Variants in DPF3 observed in about 807,000 individuals in gnomAD.
DPF3 encodes zinc finger protein DPF3.
In DPF3, 18 loss-of-function variants were observed where a neutral mutation model predicts 56.8. That is an observed-to-expected ratio of 0.32 (90% CI 0.22 to 0.47). The LOEUF is 0.47. DPF3 is among the 20% of genes least tolerant of loss of function. The pLI is 1.00. For synonymous variants in DPF3, 188 were observed against 180.2 expected (o/e 1.04, Z -0.35); for missense variants, 403 against 488.8 (o/e 0.82, Z 1.65).
rs186288323 is a variant in DPF3, at chr14:72,762,474, A to G, written c.194-9103T>C. 2.9e-3 allele frequency among the ~76,000 whole-genome samples: 438 copies of G among 151,970 alleles called. 2 individuals carry two copies. The highest frequency in any genetic ancestry group is 0.01 in the African/African-American group (419 of 41,546). ...ATTCCTACATAATGAAGCTTCCATG[A>G]ACAAAAGAAAAACCACATGATCATC... is the stretch of plus-strand genomic sequence containing the variant. On this transcript the variant is annotated intron_variant, in intron 2 of 10. Coordinates refer to ENST00000556509, the MANE Select transcript of DPF3 (RefSeq NM_001280542.3).
chr14:72,610,367 T>C lies in DPF3; in HGVS notation c.*8930A>G, dbSNP rs372204520. Among the ~76,000 whole-genome samples, 25 of 152,256 alleles carry C rather than the reference T, an allele frequency of 1.6e-4. No homozygotes were observed. The highest frequency in any genetic ancestry group is 5.3e-4 in the African/African-American group (22 of 41,562). ...CATCCTTCCTACCATAGGAGCCACC[T>C]GCCAAAGCCCACCCAGAGGAATCCC... On this transcript the variant is annotated 3_prime_UTR_variant, in exon 11 of 11. Coordinates refer to ENST00000556509, the MANE Select transcript of DPF3 (RefSeq NM_001280542.3).
chr14:72,629,566 CT>C, intron 9 of DPF3, 57 bp downstream of exon 9: 2 of 1,479,740 alleles, frequency 1.4e-6, no homozygotes, highest in Non-Finnish European at 1.8e-6. Context: ...CTCTTCACCC[CT>C]CAAAGGACCC....
intron 3 of DPF3, among the ~76,000 whole-genome samples, chr14:72,748,604 G>A (rs1455851256): frequency 2.0e-5 from 3 of 152,224 alleles, no homozygotes; most frequent in Non-Finnish European, 4.4e-5. Flanking sequence ...GGGTCTTCAC[G>A]GCAGCCCCTC....
At chr14:72,621,833 G>T (rs112857845) in intron 9 of DPF3, among the ~76,000 whole-genome samples, 4 of 152,322 alleles carry the variant, frequency 2.6e-5, no homozygotes, top group African/African-American at 7.2e-5. Context: ...ATGCCGTCTG[G>T]GTTGTGGCTT....
At chr14:72,679,128 C>T (rs1184988104) in intron 7 of DPF3, 1 of 152,168 alleles carries the variant, frequency 6.6e-6, no homozygotes, top group Non-Finnish European at 1.5e-5. Flanking sequence ...AACAAGGCCC[C>T]AAATCTTCCA....
intron 1 of DPF3, among the ~76,000 whole-genome samples, chr14:72,777,771 A>G (rs960180525): frequency 2.0e-5 from 3 of 152,024 alleles, no homozygotes; most frequent in Admixed American, 6.6e-5. Flanking sequence ...ATCATGTGAC[A>G]TGCCTCCTCC....
At position 72,714,485 on chromosome 14, in the gene DPF3, C is replaced by G; in HGVS notation, c.542G>C (p.Gly181Ala). 5 of 1,613,798 alleles carry G rather than the reference C, an allele frequency of 3.1e-6. No individual in the cohort carries two copies. The highest frequency in any genetic ancestry group is 4.2e-6 in the Non-Finnish European group (5 of 1,179,766). The change falls in exon 6 of 11, where the codon GGG becomes GCG. Residue 181 changes from glycine to alanine, a missense_variant. Physicochemically the swap from Gly to Ala is moderately conservative, Grantham distance 60. Transcript: ENST00000556509. ...RTRGRARGSA[G>A]GRRRHDAASQ... Reference sequence around the variant, plus strand: ...GGCGGCGTCGTGCCTCCTCCTGCCCCCTGCAGAGCCGCGAGCCTGGGGAGA... The same window carrying G: ...GGCGGCGTCGTGCCTCCTCCTGCCCGCTGCAGAGCCGCGAGCCTGGGGAGA...
chr14:72,796,650 A>ATTAAT (rs1892658908), intron 1 of DPF3, among the ~76,000 whole-genome samples: 1 of 152,228 alleles, frequency 6.6e-6, no homozygotes, highest in South Asian at 2.1e-4. Context: ...TTGTATGTGC[A>ATTAAT]TTAATTCATT....
intron 7 of DPF3, among the ~76,000 whole-genome samples, chr14:72,677,372 A>G (rs1242374957): frequency 6.6e-6 from 1 of 152,162 alleles, no homozygotes; most frequent in Non-Finnish European, 1.5e-5. Flanking sequence ...TTTCTTAAAC[A>G]TTTTGGTACT....
intron 5 of DPF3, among the ~76,000 whole-genome samples, chr14:72,721,107 A>C (rs549764757): frequency 6.6e-6 from 1 of 152,340 alleles, no homozygotes; most frequent in East Asian, 1.9e-4. Context: ...TGTGGCCAGC[A>C]GCTGCCATAA....
At chr14:72,651,693 A>C (rs740080) in intron 8 of DPF3, among the ~76,000 whole-genome samples, 4,689 of 152,330 alleles carry the variant, frequency 0.031, 268 homozygotes, top group African/African-American at 0.11. Flanking sequence ...CTGTAGCCTT[A>C]AAATGGGGTA....
intron 1 of DPF3, among the ~76,000 whole-genome samples, chr14:72,777,487 A>C (rs991705811): frequency 6.6e-6 from 1 of 152,170 alleles, no homozygotes; most frequent in Non-Finnish European, 1.5e-5. Context: ...GAAAAAATCC[A>C]CATGTTGAAG....
At chr14:72,881,422 G>A (rs17182027) in intron 1 of DPF3, among the ~76,000 whole-genome samples, 68,700 of 151,854 alleles carry the variant, frequency 0.45, 16,776 homozygotes, top group Non-Finnish European at 0.55. Context: ...AAAGTTTCCA[G>A]TCCAAACCAT....
chr14:72,771,865 T>C lies in DPF3; in HGVS notation c.61A>G (p.Ile21Val). 4 of 1,605,776 alleles carry C rather than the reference T, an allele frequency of 2.5e-6. No homozygotes were observed. The highest frequency in any genetic ancestry group is 3.4e-6 in the Non-Finnish European group (4 of 1,175,954). The change falls in exon 2 of 11, where the codon ATT becomes GTT. Residue 21 changes from isoleucine to valine, a missense_variant. Ile to Val is a conservative substitution (Grantham distance 29). This residue lies in a region of DPF3 where 340 missense variants were observed against 374.3 expected (regional missense o/e 0.91). Transcript: ENST00000556509. ...ALGDQFYKEA[I>V]EHCRSYNSRL... ...GAGTTGTAACTCCGGCAGTGCTCAATGGCTTCCTTGTAGAACTGGTCCCCG... is the reference window on the plus strand; with the variant it reads ...GAGTTGTAACTCCGGCAGTGCTCAACGGCTTCCTTGTAGAACTGGTCCCCG...
At chr14:72,823,764 G>A (rs1883660636) in intron 1 of DPF3, among the ~76,000 whole-genome samples, 1 of 152,126 alleles carries the variant, frequency 6.6e-6, no homozygotes, top group Admixed American at 6.5e-5. Flanking sequence ...CATTTACCCT[G>A]GATACTTGTT....
chr14:72,838,609 C>T (rs911112421), intron 1 of DPF3, among the ~76,000 whole-genome samples: 5 of 151,830 alleles, frequency 3.3e-5, no homozygotes, highest in African/African-American at 1.2e-4. Flanking sequence ...GTAATCCCAG[C>T]ACTTTGGGAG....
intron 6 of DPF3, among the ~76,000 whole-genome samples, chr14:72,708,400 G>A (rs1888507723): frequency 6.6e-6 from 1 of 152,096 alleles, no homozygotes; most frequent in Admixed American, 6.5e-5. Flanking sequence ...AAGTTTCTGG[G>A]GGCACCGAGC....
At chr14:72,731,272 C>T (rs1889630552) in intron 4 of DPF3, 1 of 155,118 alleles carries the variant, frequency 6.4e-6, no homozygotes, top group Non-Finnish European at 1.4e-5. Context: ...GGTAGTGGAC[C>T]CATGGGGACA....
chr14:72,683,775 C>T (rs1887275853), intron 7 of DPF3, among the ~76,000 whole-genome samples: 1 of 152,106 alleles, frequency 6.6e-6, no homozygotes. Flanking sequence ...TTCATAGATC[C>T]AGGGTACAGC....
Sources: gnomAD v4.1 joint callset for allele counts (sites outside exome capture counted in the v4.1 genomes callset) on GRCh38, gnomAD v4.1.1 for gene constraint, gnomAD v4.1.1 regional missense constraint, MANE v1.5 for transcripts, NCBI Gene and HGNC (gene_info 2026-07-23, HGNC 2026-07-21) for gene names.